RAD54L2: variants seen among roughly 807,000 people sequenced by gnomAD.
RAD54L2 encodes the protein helicase ARIP4.
Under a neutral mutation model 138.4 loss-of-function variants are expected in RAD54L2, and 27 were observed. That is an observed-to-expected ratio of 0.20 (90% CI 0.14 to 0.27). The LOEUF (loss-of-function observed/expected upper bound fraction) is 0.27. Ranked by LOEUF, RAD54L2 falls within the 10% of genes least tolerant of loss-of-function variation. The pLI is 1.00. For synonymous variants in RAD54L2, 644 were observed against 723.2 expected, an observed-to-expected ratio of 0.89 and a Z score of 1.76; for missense variants, 1,396 against 1,890.2, an observed-to-expected ratio of 0.74 and a Z score of 4.85.
intron 3 of RAD54L2, among the ~76,000 whole-genome samples, chr3:51,593,377 G>A (rs1699881468): frequency 6.6e-6 from 1 of 150,950 alleles, no homozygotes; most frequent in Non-Finnish European, 1.5e-5. Context: ...CTGTCGCCCA[G>A]GCTGGAGTGC....
At chr3:51,567,749 G>A (rs371026458) in intron 2 of RAD54L2, among the ~76,000 whole-genome samples, 14 of 151,980 alleles carry the variant, frequency 9.2e-5, no homozygotes, top group East Asian at 5.8e-4. Flanking sequence ...GTAAACTCCA[G>A]TTGCTACAGT....
rs1029728472 is a variant in RAD54L2, at chr3:51,607,991, G to A, written c.139+17432G>A. On this transcript the variant is annotated intron_variant, in intron 3 of 22. Coordinates refer to ENST00000684192, the MANE Select transcript of RAD54L2 (RefSeq NM_015106.4). ...GGGGGCTGCCCCCCACCTCCCGGGCGGGGCAGCTGCGGGGCGGAGATGCTC... is the reference window on the plus strand; with the variant it reads ...GGGGGCTGCCCCCCACCTCCCGGGCAGGGCAGCTGCGGGGCGGAGATGCTC... Among the ~76,000 whole-genome samples, 9 of 150,576 alleles carry A rather than the reference G, an allele frequency of 6.0e-5. No individual in the cohort carries two copies. The East Asian group carries it at 1.2e-3, about 20-fold the overall frequency.
In RAD54L2 at chr3:51,637,716, A is replaced by G. The variant is rs901244996; in HGVS notation, c.1682+213A>G. ...TTGGCCTAGAAGTGCTTCTCTCAAA[A>G]GTTATCTTTAAAGGTACTGGAGACA... On this transcript the variant is annotated intron_variant, in intron 11 of 22. Transcript: ENST00000684192. The surrounding 1 kb of genome is among the most constrained non-coding windows in gnomAD (Gnocchi z 5.9). 1.3e-5 allele frequency among the ~76,000 whole-genome samples: 2 copies of G among 152,232 alleles called. No individual in the cohort carries two copies. Among genetic ancestry groups the G allele is most frequent in the Admixed American group, 1.3e-4 (2 of 15,288 alleles).
intron 21 of RAD54L2, among the ~76,000 whole-genome samples, chr3:51,658,998 C>A (rs1455500511): frequency 6.6e-6 from 1 of 151,286 alleles, no homozygotes. Context: ...TTTTGGAGTA[C>A]AGTCATGCCA....
intron 2 of RAD54L2, among the ~76,000 whole-genome samples, chr3:51,584,717 T>C (rs1184033332): frequency 6.6e-6 from 1 of 150,702 alleles, no homozygotes; most frequent in East Asian, 1.9e-4. Flanking sequence ...TCTTTTGTCT[T>C]TGAATTATAT....
chr3:51,561,824 G>C (rs943793511), intron 2 of RAD54L2, among the ~76,000 whole-genome samples: 7 of 152,076 alleles, frequency 4.6e-5, no homozygotes, highest in African/African-American at 1.7e-4. Flanking sequence ...CAAAGTGCTG[G>C]AATTACAGGT....
At chr3:51,580,069 A>G (rs1419278927) in intron 2 of RAD54L2, among the ~76,000 whole-genome samples, 1 of 152,078 alleles carries the variant, frequency 6.6e-6, no homozygotes, top group Non-Finnish European at 1.5e-5. Flanking sequence ...CAGATACCAC[A>G]GGCTAAGGGC....
rs937769592 is a variant in RAD54L2, at chr3:51,667,429, G to A, written c.*4009G>A. Reference sequence around the variant, plus strand: ...GATCCACCCTCCTCGGCCTCCCAGTGATGGGATTACAGGCGTGAGCCACTG... The same window carrying A: ...GATCCACCCTCCTCGGCCTCCCAGTAATGGGATTACAGGCGTGAGCCACTG... On this transcript the variant is annotated 3_prime_UTR_variant, in exon 23 of 23. Transcript: ENST00000684192. The A allele has an allele frequency of 6.6e-6, 1 of 152,312 alleles. No individual in the cohort carries two copies. The highest frequency in any genetic ancestry group is 6.5e-5 in the Admixed American group (1 of 15,284). 9.4% of individuals were successfully genotyped at this position (152,312 alleles called of 1,614,324 possible). A position where few individuals can be genotyped will look rare whatever the true frequency, so the allele number is the denominator to read the frequency against.
intron 10 of RAD54L2, among the ~76,000 whole-genome samples, chr3:51,636,058 A>G (rs952341950): frequency 2.0e-5 from 3 of 152,214 alleles, no homozygotes; most frequent in Non-Finnish European, 2.9e-5. Context: ...TTTCTCTTAC[A>G]GAACAGTTGG....
At chr3:51,595,236 A>G (rs1397136862) in intron 3 of RAD54L2, among the ~76,000 whole-genome samples, 1 of 152,202 alleles carries the variant, frequency 6.6e-6, no homozygotes, top group Admixed American at 6.5e-5. Context: ...CACTGTATCA[A>G]AGACATGGCC....
intron 2 of RAD54L2, among the ~76,000 whole-genome samples, chr3:51,581,791 T>G (rs911647435): frequency 2.6e-5 from 4 of 152,174 alleles, no homozygotes; most frequent in Non-Finnish European, 1.5e-5. Flanking sequence ...TCAGTCTCAT[T>G]GTCTAGCAGA....
At chr3:51,632,032 T>C (rs374874753) in intron 7 of RAD54L2, among the ~76,000 whole-genome samples, 126 of 152,242 alleles carry the variant, frequency 8.3e-4, no homozygotes, top group South Asian at 7.9e-3. Context: ...TCTACTTCCA[T>C]GAGATCAACT....
intron 2 of RAD54L2, chr3:51,541,883 C>T (rs1388137654): frequency 6.6e-6 from 1 of 152,098 alleles, no homozygotes; most frequent in Non-Finnish European, 1.5e-5. Flanking sequence ...TCTCATTTTC[C>T]ATCTGGACTA....
chr3:51,627,376 G>A (rs932403426), intron 3 of RAD54L2, among the ~76,000 whole-genome samples, 177 bp from the exon 4 acceptor site: 2 of 152,164 alleles, frequency 1.3e-5, no homozygotes, highest in African/African-American at 4.8e-5. Context: ...TGAGGTATGG[G>A]CCTCACTATC....
chr3:51,590,289 C>T, intron 2 of RAD54L2, 78 bp from the exon 3 acceptor site: 3 of 1,114,394 alleles, frequency 2.7e-6, no homozygotes, highest in South Asian at 1.8e-5. Context: ...CTGTGCCCAG[C>T]TAGCATTTTT....
At chr3:51,611,510 C>G (rs1191161692) in intron 3 of RAD54L2, 1 of 151,692 alleles carries the variant, frequency 6.6e-6, no homozygotes, top group African/African-American at 2.4e-5. Flanking sequence ...GACTGAGGGC[C>G]TCTTTCATCC....
chr3:51,550,901 G>A (rs536846115), intron 2 of RAD54L2, among the ~76,000 whole-genome samples: 10 of 152,074 alleles, frequency 6.6e-5, no homozygotes, highest in African/African-American at 2.4e-4. Context: ...ATAAAAATTA[G>A]CCGGTGTGGT....
chr3:51,594,071 T>C (rs1034738704), intron 3 of RAD54L2, among the ~76,000 whole-genome samples: 53 of 141,262 alleles, frequency 3.8e-4, no homozygotes, highest in East Asian at 8.0e-4. Context: ...TTTTTCTTTT[T>C]TTTTTTTTTT....
Position 51,666,296 on chromosome 3 carries a change from A to G in RAD54L2, c.*2876A>G, listed in dbSNP as rs1365732358. 1 of 149,666 alleles carries G rather than the reference A, an allele frequency of 6.7e-6. No individual in the cohort carries two copies. The highest frequency in any genetic ancestry group is 2.0e-4 in the East Asian group (1 of 5,050). The allele number at this position is 149,666 out of a possible 1,614,324, so 9.3% of individuals were successfully genotyped here. On this transcript the variant is annotated 3_prime_UTR_variant, in exon 23 of 23. Transcript: ENST00000684192. ...CAAATGTGCATGCACACCAAACATA[A>G]GCATGTTTGTGAGGGAAGCAGGAAG...
Sources: allele counts gnomAD v4.1 joint callset (sites outside exome capture counted in the v4.1 genomes callset), GRCh38; gene constraint gnomAD v4.1.1; non-coding constraint Gnocchi (gnomAD v3.1); transcripts MANE v1.5; gene names NCBI Gene and HGNC (gene_info 2026-07-23, HGNC 2026-07-21).